The following TMEFF1 variants were observed in gnomAD, a reference collection of about 807,000 sequenced individuals.
TMEFF1 encodes tomoregulin-1.
A neutral mutation model predicts 47.5 loss-of-function variants in TMEFF1; 20 were observed. That is an observed-to-expected ratio of 0.42 (90% CI 0.30 to 0.61). TMEFF1 has a LOEUF of 0.61. Ranked by LOEUF, TMEFF1 falls within the 20% of genes least tolerant of loss-of-function variation. The probability of loss-of-function intolerance (pLI) is 0.19; values close to 1 mark genes in which losing one functional copy is unlikely to be tolerated. For synonymous variants in TMEFF1, 162 were observed against 166.3 expected, an observed-to-expected ratio of 0.97 and a Z score of 0.20; for missense variants, 411 against 471.1, an observed-to-expected ratio of 0.87 and a Z score of 1.18.
At chr9:100,480,043 C>G (rs966479293) in intron 1 of TMEFF1, among the ~76,000 whole-genome samples, 2 of 152,112 alleles carry the variant, frequency 1.3e-5, no homozygotes. Flanking sequence ...TATTGTCTGT[C>G]TGTTTGATTT....
intron 1 of TMEFF1, among the ~76,000 whole-genome samples, chr9:100,487,278 C>G (rs1837467358): frequency 6.6e-6 from 1 of 152,138 alleles, no homozygotes; most frequent in African/African-American, 2.4e-5. Context: ...ATTCTTGTGC[C>G]TCAGCCACCT....
intron 5 of TMEFF1, among the ~76,000 whole-genome samples, chr9:100,531,266 G>A (rs1236658862): frequency 6.6e-6 from 1 of 152,056 alleles, no homozygotes; most frequent in Admixed American, 6.6e-5. Context: ...AAAATAAAGG[G>A]TATTCAATTA....
chr9:100,532,023 A>T (rs1838391912), intron 5 of TMEFF1, among the ~76,000 whole-genome samples: 2 of 151,658 alleles, frequency 1.3e-5, no homozygotes, highest in Non-Finnish European at 2.9e-5. Flanking sequence ...GGTGCTGGGA[A>T]AACTGGCTAG....
Position 100,516,751 on chromosome 9 carries a change from T to C in TMEFF1, c.540T>C (p.Asp180=). The C allele has an allele frequency of 1.2e-6, 2 of 1,613,304 alleles. No homozygotes were observed. Among genetic ancestry groups the C allele is most frequent in the South Asian group, 1.1e-5 (1 of 90,854 alleles). ...CGPCKYKAEC[D]EDAENVGCVC... ...CCTGCAAATATAAAGCTGAGTGTGATGAAGATGCAGAAAATGTTGGGTGAG... is the reference window on the plus strand; with the variant it reads ...CCTGCAAATATAAAGCTGAGTGTGACGAAGATGCAGAAAATGTTGGGTGAG... The change falls in exon 5 of 10, where the codon GAT becomes GAC. Residue 180 remains aspartate, a synonymous_variant. Coordinates refer to ENST00000374879, the MANE Select transcript of TMEFF1 (RefSeq NM_003692.5).
Position 100,513,299 on chromosome 9 carries a change from C to T in TMEFF1, c.437-8C>T, listed in dbSNP as rs551620303. On this transcript the variant is annotated splice_region_variant and splice_polypyrimidine_tract_variant and intron_variant, in intron 3 of 9. Coordinates refer to ENST00000374879, the MANE Select transcript of TMEFF1 (RefSeq NM_003692.5). ...ATGTTCATATTCATTCTTTGTTTTT[C>T]TTCTCAGATAATGGATCTGGATCTG... 3 of 1,593,818 alleles carry T rather than the reference C, an allele frequency of 1.9e-6. No homozygotes were observed. The highest frequency in any genetic ancestry group is 4.5e-5 in the East Asian group (2 of 44,264).
chr9:100,573,782 CAG>C, intron 9 of TMEFF1, among the ~76,000 whole-genome samples: 1 of 152,348 alleles, frequency 6.6e-6, no homozygotes, highest in African/African-American at 2.4e-5. Context: ...CTCCAAGTAA[CAG>C]ATATTTTTCA....
Position 100,553,740 on chromosome 9 carries a change from A to G in TMEFF1, c.775+3580A>G, listed in dbSNP as rs539852036. 2.6e-5 allele frequency among the ~76,000 whole-genome samples: 4 copies of G among 152,346 alleles called. No individual in the cohort carries two copies. In the South Asian group the frequency reaches 8.3e-4, roughly 32 times the overall value. Reference sequence around the variant, plus strand: ...ATCTATGATATGTAAACAGAATAGTATAATAAACCTCATATATCCAGTACC... The same window carrying G: ...ATCTATGATATGTAAACAGAATAGTGTAATAAACCTCATATATCCAGTACC... On this transcript the variant is annotated intron_variant, in intron 7 of 9. Transcript: ENST00000374879.
intron 5 of TMEFF1, among the ~76,000 whole-genome samples, chr9:100,518,685 C>T (rs888520923): frequency 6.6e-6 from 1 of 152,108 alleles, no homozygotes; most frequent in Non-Finnish European, 1.5e-5. Flanking sequence ...ATCTTTTAGT[C>T]TGTAAAGCAC....
Position 100,539,387 on chromosome 9 carries a change from G to A in TMEFF1, c.561-8357G>A, listed in dbSNP as rs764630457. On this transcript the variant is annotated intron_variant, in intron 5 of 9. Transcript: ENST00000374879. ...CAAGAATGAAGCTGTGGACCCTCGC[G>A]ATGAGTGTTACGGTTCTTAAAGATG... 5.3e-5 allele frequency among the ~76,000 whole-genome samples: 8 copies of A among 152,294 alleles called. No individual in the cohort carries two copies. In the South Asian group the frequency reaches 6.2e-4, roughly 12 times the overall value.
chr9:100,560,694 TC>T (rs1838999564), intron 7 of TMEFF1, among the ~76,000 whole-genome samples: 1 of 152,178 alleles, frequency 6.6e-6, no homozygotes, highest in South Asian at 2.1e-4. Context: ...TCAGTTCAAA[TC>T]ATTATACTTA....
At position 100,483,798 on chromosome 9, in the gene TMEFF1, T is replaced by C. The variant is rs1279770488; in HGVS notation, c.196+10058T>C. On this transcript the variant is annotated intron_variant, in intron 1 of 9. Coordinates refer to ENST00000374879, the MANE Select transcript of TMEFF1 (RefSeq NM_003692.5). ...ATCGTCTGTCTGTCTGTTTTTTTTT[T>C]CCCCTGAACTTGGCTCTGTCAAGTT... Among the ~76,000 whole-genome samples, 11 of 152,062 alleles carry C rather than the reference T, an allele frequency of 7.2e-5. No individual in the cohort carries two copies. In the East Asian group the frequency reaches 1.2e-3, roughly 16 times the overall value.
chr9:100,492,330 G>A (rs1837570641), intron 1 of TMEFF1, among the ~76,000 whole-genome samples: 1 of 152,144 alleles, frequency 6.6e-6, no homozygotes, highest in African/African-American at 2.4e-5. Flanking sequence ...CCTTATTCAA[G>A]TCTTTGAGTT....
chr9:100,509,175 G>A (rs987467243), intron 3 of TMEFF1, 41 bp downstream of exon 3: 5 of 1,424,968 alleles, frequency 3.5e-6, no homozygotes, highest in Non-Finnish European at 4.6e-6. Context: ...GGAAAATATG[G>A]TGGAATCATT....
chr9:100,509,162 T>G (rs2118359829), intron 3 of TMEFF1, 28 bp downstream of exon 3: 6 of 1,439,238 alleles, frequency 4.2e-6, no homozygotes, highest in Non-Finnish European at 5.5e-6. Flanking sequence ...CTGAATAAAT[T>G]TTGGAAAATA....
chr9:100,475,971 C>T (rs1309488358), intron 1 of TMEFF1, among the ~76,000 whole-genome samples: 1 of 151,904 alleles, frequency 6.6e-6, no homozygotes, highest in African/African-American at 2.4e-5. Flanking sequence ...GGGTCATGGT[C>T]CTTGTTAAGC....
At chr9:100,509,437 A>T (rs748960374) in intron 3 of TMEFF1, among the ~76,000 whole-genome samples, 2 of 152,092 alleles carry the variant, frequency 1.3e-5, no homozygotes, top group Non-Finnish European at 2.9e-5. Flanking sequence ...ATGAGCTTTG[A>T]GGTGGGGAAT....
Position 100,527,593 on chromosome 9 carries a change from C to T in TMEFF1, c.560+10822C>T, listed in dbSNP as rs547126593. Among the ~76,000 whole-genome samples the T allele has an allele frequency of 3.3e-5, 5 of 152,312 alleles. No individual in the cohort carries two copies. In the East Asian group the frequency reaches 7.7e-4, roughly 24 times the overall value. On this transcript the variant is annotated intron_variant, in intron 5 of 9. Transcript: ENST00000374879. Reference sequence around the variant, plus strand: ...CGCACCTGGCTCGGGGGGTCCTACACCCATATAGTCTCGCTGATGGCTAGC... The same window carrying T: ...CGCACCTGGCTCGGGGGGTCCTACATCCATATAGTCTCGCTGATGGCTAGC...
At chr9:100,573,522 C>T (rs898948536) in intron 9 of TMEFF1, among the ~76,000 whole-genome samples, 1 of 152,076 alleles carries the variant, frequency 6.6e-6, no homozygotes, top group Admixed American at 6.6e-5. Context: ...TTTGTGCTTC[C>T]CAGTCTAATG....
At chr9:100,509,941 T>G (rs781385726) in intron 3 of TMEFF1, among the ~76,000 whole-genome samples, 33 of 152,216 alleles carry the variant, frequency 2.2e-4, no homozygotes, top group Non-Finnish European at 4.4e-4. Context: ...TGGGGAACTA[T>G]TAATGTTATT....
Sources: allele counts gnomAD v4.1 joint callset (sites outside exome capture counted in the v4.1 genomes callset), GRCh38; gene constraint gnomAD v4.1.1; transcripts MANE v1.5; gene names NCBI Gene and HGNC (gene_info 2026-07-23, HGNC 2026-07-21).